Variants in GHR observed in about 807,000 individuals in gnomAD.
GHR encodes growth hormone receptor.
GHR carries 35 observed loss-of-function variants against 67.1 expected under a neutral mutation model. The observed-to-expected ratio is 0.52, with a 90% CI of 0.40 to 0.69. The LOEUF (loss-of-function observed/expected upper bound fraction) is 0.69, where lower values mean the gene tolerates loss of function less well. GHR is among the 30% of genes least tolerant of loss of function. The pLI is 0.00. For missense variants in GHR, 792 were observed against 764.6 expected (o/e 1.04, Z -0.42); for synonymous variants, 272 against 269.1 (o/e 1.01, Z -0.10).
intron 3 of GHR, among the ~76,000 whole-genome samples, chr5:42,652,089 C>G (rs184687828): frequency 1.3e-5 from 2 of 152,254 alleles, no homozygotes; most frequent in Admixed American, 1.3e-4. Context: ...GATACATTAT[C>G]TGCTGCAGGA....
chr5:42,474,475 T>C (rs1745205785), intron 1 of GHR, among the ~76,000 whole-genome samples: 1 of 152,128 alleles, frequency 6.6e-6, no homozygotes, highest in Non-Finnish European at 1.5e-5. Flanking sequence ...AGGATTGGAC[T>C]TCTATAAGAC....
intron 2 of GHR, among the ~76,000 whole-genome samples, chr5:42,620,155 G>A (rs1753369877): frequency 6.6e-6 from 1 of 152,106 alleles, no homozygotes; most frequent in Admixed American, 6.6e-5. Flanking sequence ...TCAAATTTGA[G>A]CATTCATGGT....
chr5:42,444,009 A>C (rs1165513598), intron 1 of GHR, among the ~76,000 whole-genome samples: 1 of 143,356 alleles, frequency 7.0e-6, no homozygotes, highest in Non-Finnish European at 1.6e-5. Context: ...ACATAGATAG[A>C]TATAGATATA....
intron 2 of GHR, among the ~76,000 whole-genome samples, chr5:42,599,713 G>T (rs1372755664): frequency 2.0e-5 from 3 of 152,086 alleles, no homozygotes; most frequent in Admixed American, 1.3e-4. Flanking sequence ...AAAATTTGAA[G>T]AATTTAACAA....
At chr5:42,518,428 G>A (rs1747335718) in intron 1 of GHR, among the ~76,000 whole-genome samples, 1 of 152,122 alleles carries the variant, frequency 6.6e-6, no homozygotes, top group Admixed American at 6.5e-5. Context: ...AAAGAATGAA[G>A]GAACTAATTG....
chr5:42,685,050 C>T (rs1050918548), intron 3 of GHR, among the ~76,000 whole-genome samples: 6 of 152,040 alleles, frequency 3.9e-5, no homozygotes, highest in Admixed American at 3.3e-4. Context: ...CCCACCAACC[C>T]GTCATCTATA....
chr5:42,701,574 A>G (rs768656082), intron 6 of GHR, among the ~76,000 whole-genome samples: 1 of 152,218 alleles, frequency 6.6e-6, no homozygotes. Context: ...TGAATTGGCA[A>G]ACATTTGTCA....
chr5:42,578,833 A>G (rs996104109), intron 2 of GHR, among the ~76,000 whole-genome samples: 2 of 152,164 alleles, frequency 1.3e-5, no homozygotes, highest in African/African-American at 2.4e-5. Flanking sequence ...ACCTGCTCCA[A>G]TGATAGCCAA....
At chr5:42,496,844 G>A (rs1746340305) in intron 1 of GHR, among the ~76,000 whole-genome samples, 3 of 152,172 alleles carry the variant, frequency 2.0e-5, no homozygotes, top group African/African-American at 4.8e-5. Context: ...ACCCAGGGCA[G>A]AATGGTAAAA....
At chr5:42,536,465 T>C (rs149129114) in intron 1 of GHR, among the ~76,000 whole-genome samples, 2 of 152,330 alleles carry the variant, frequency 1.3e-5, no homozygotes, top group East Asian at 3.9e-4. Flanking sequence ...GTGTATCACA[T>C]TTATTGACTT....
chr5:42,707,515 G>A (rs1171826337), intron 6 of GHR, among the ~76,000 whole-genome samples: 1 of 151,814 alleles, frequency 6.6e-6, no homozygotes, highest in African/African-American at 2.4e-5. Context: ...AATTTGATAG[G>A]TATTGCACTG....
At chr5:42,539,042 T>C (rs891102238) in intron 1 of GHR, among the ~76,000 whole-genome samples, 8 of 152,182 alleles carry the variant, frequency 5.3e-5, no homozygotes, top group Admixed American at 1.3e-4. Flanking sequence ...TTTTTTTCTT[T>C]ATGCTACCTA....
Position 42,423,477 on chromosome 5 carries a change from G to A in GHR, c.-490G>A, listed in dbSNP as rs1406870880. On this transcript the variant is annotated 5_prime_UTR_variant, in exon 1 of 10. Transcript: ENST00000230882. ...ACGCACCAACTCCAGCTCCTCGCCG[G>A]GAAGACTTCATCCCAGCAACTCGGA... Among the ~76,000 whole-genome samples the A allele has an allele frequency of 6.6e-6, 1 of 152,158 alleles. No individual in the cohort carries two copies. The highest frequency in any genetic ancestry group is 6.5e-5 in the Admixed American group (1 of 15,276).
intron 8 of GHR, among the ~76,000 whole-genome samples, chr5:42,717,084 A>G (rs1758759113): frequency 6.6e-6 from 1 of 152,216 alleles, no homozygotes; most frequent in Non-Finnish European, 1.5e-5. Flanking sequence ...GGGCGGGAGT[A>G]TTGCCCTGAG....
rs1449236740 is a variant in GHR at position 42,534,753 on chromosome 5, CT to C, written c.-11-31110del. Among the ~76,000 whole-genome samples the C allele has an allele frequency of 2.6e-4, 40 of 152,160 alleles. No individual in the cohort carries two copies. In the South Asian group the frequency reaches 4.8e-3, roughly 18 times the overall value. ...ATCTCCACGCTCTTTTCCATAGTGGCTGTACTAGTTTACATTCCCACCAGCA... is the reference window on the plus strand; with the variant it reads ...ATCTCCACGCTCTTTTCCATAGTGGCGTACTAGTTTACATTCCCACCAGCA... On this transcript the variant is annotated intron_variant, in intron 1 of 9. Coordinates refer to ENST00000230882, the MANE Select transcript of GHR (RefSeq NM_000163.5).
At chr5:42,702,345 A>G (rs1245649440) in intron 6 of GHR, among the ~76,000 whole-genome samples, 1 of 152,084 alleles carries the variant, frequency 6.6e-6, no homozygotes, top group African/African-American at 2.4e-5. Flanking sequence ...AATATCCTCC[A>G]GGTTCATCCA....
chr5:42,581,887 C>G lies in GHR; in HGVS notation c.70+15943C>G, dbSNP rs139671919. On this transcript the variant is annotated intron_variant, in intron 2 of 9. Coordinates refer to ENST00000230882, the MANE Select transcript of GHR (RefSeq NM_000163.5). ...TCGGGGGCCCAGGAAGCACCCCCTG[C>G]TCCTGCAGGCTTGGAAGTGCCTGCT... Among the ~76,000 whole-genome samples, 117 of 152,352 alleles carry G rather than the reference C, an allele frequency of 7.7e-4. 1 individual carries two copies. Among genetic ancestry groups the G allele is most frequent in the African/African-American group, 2.6e-3 (109 of 41,594 alleles).
chr5:42,442,090 A>G (rs983092776), intron 1 of GHR, among the ~76,000 whole-genome samples: 1 of 152,146 alleles, frequency 6.6e-6, no homozygotes, highest in Non-Finnish European at 1.5e-5. Context: ...AAGTCAAAGG[A>G]GTTTTTGTTC....
intron 1 of GHR, among the ~76,000 whole-genome samples, chr5:42,551,384 C>T (rs955160088): frequency 2.0e-5 from 3 of 152,180 alleles, no homozygotes; most frequent in South Asian, 2.1e-4. Flanking sequence ...GATATTTGAA[C>T]GTGACTTTGA....
Sources: allele counts gnomAD v4.1 joint callset (sites outside exome capture counted in the v4.1 genomes callset), GRCh38; gene constraint gnomAD v4.1.1; transcripts MANE v1.5; gene names NCBI Gene and HGNC (gene_info 2026-07-23, HGNC 2026-07-21).